KANK1: variants seen among roughly 807,000 people sequenced by gnomAD.
KANK1 encodes the protein KN motif and ankyrin repeat domains 1, also known as KN motif and ankyrin repeat domain-containing protein 1.
KANK1 carries 109 observed loss-of-function variants against 106.2 expected under a neutral mutation model. The observed-to-expected ratio is 1.03, with a 90% CI of 0.88 to 1.20. KANK1 has a LOEUF of 1.20. Ranked by LOEUF, KANK1 falls within the 50% of genes most tolerant of loss-of-function variation. The pLI is 0.00. For synonymous variants in KANK1, 873 were observed against 652.2 expected (o/e 1.34, Z -5.16); for missense variants, 2,399 against 1,710.7 (o/e 1.40, Z -7.10).
intron 1 of KANK1, among the ~76,000 whole-genome samples, chr9:636,468 A>T (rs757287522): frequency 2.0e-5 from 3 of 152,120 alleles, no homozygotes; most frequent in Non-Finnish European, 2.9e-5. Flanking sequence ...CACAGCATTC[A>T]GGACAATATT....
At chr9:713,579 GT>G in intron 3 of KANK1, 115 bp downstream of exon 3, 2 of 1,116,630 alleles carry the variant, frequency 1.8e-6, no homozygotes, top group Non-Finnish European at 2.5e-6. Flanking sequence ...AATGGAGAAA[GT>G]TTTAGAGTGG....
intron 2 of KANK1, chr9:707,369 G>A (rs1824634536): frequency 4.9e-6 from 2 of 408,710 alleles, no homozygotes; most frequent in Admixed American, 6.4e-5. Context: ...GCAGGCCTAC[G>A]GGAGTCCAGC....
intron 1 of KANK1, among the ~76,000 whole-genome samples, chr9:674,922 C>G (rs530487400): frequency 1.3e-5 from 2 of 152,238 alleles, no homozygotes; most frequent in South Asian, 4.1e-4. Context: ...CCAGGCTGGT[C>G]TCAAACTCCT....
rs1453941592 is a variant in KANK1, at chr9:653,389, G to T, written c.-83-23501G>T. On this transcript the variant is annotated intron_variant, in intron 1 of 11. Coordinates refer to ENST00000382297, the MANE Select transcript of KANK1 (RefSeq NM_015158.5). The stretch of plus-strand genomic sequence containing the variant: ...CCAGTTCTCACAAGCAGTTTTTAAG[G>T]CCAGAGCAAAAGGTTTCCAGGTAAG... 1.3e-5 allele frequency among the ~76,000 whole-genome samples: 2 copies of T among 151,998 alleles called. 1 individual carries two copies. Among genetic ancestry groups the T allele is most frequent in the African/African-American group, 4.8e-5 (2 of 41,362 alleles).
intron 1 of KANK1, among the ~76,000 whole-genome samples, chr9:626,039 T>C (rs1834267416): frequency 6.6e-6 from 1 of 152,186 alleles, no homozygotes; most frequent in Admixed American, 6.5e-5. Context: ...TGCACTTGTT[T>C]TCTGACCTCA....
chr9:633,647 A>T (rs1836363736), intron 1 of KANK1, among the ~76,000 whole-genome samples: 1 of 151,958 alleles, frequency 6.6e-6, no homozygotes, highest in South Asian at 2.1e-4. Context: ...TTACTGTTTA[A>T]ATATGTTTTA....
At chr9:484,722 A>T (rs149591173) in intron 3 of KANK1, among the ~76,000 whole-genome samples, 1 of 152,202 alleles carries the variant, frequency 6.6e-6, no homozygotes, top group East Asian at 1.9e-4. Flanking sequence ...TGGCTTGCTG[A>T]ATGGGGTATG....
In KANK1 at chr9:713,197, C is replaced by T. The variant is rs1826687101; in HGVS notation, c.2431C>T (p.Pro811Ser). The change falls in exon 3 of 12, where the codon CCC becomes TCC. Residue 811 changes from proline to serine, a missense_variant. By Grantham distance (74) the Pro-to-Ser change is moderately conservative. Coordinates refer to ENST00000382297, the MANE Select transcript of KANK1 (RefSeq NM_015158.5). ...CCCTGTAGGGGAATCTCTGGAGAAC[C>T]CCCAGCCTCAAGCTCCACTTGGAAT... ...DDPVGESLEN[P>S]QPQAPLGMMT... 6.3e-7 allele frequency: 1 copy of T among 1,586,424 alleles called. No individual in the cohort carries two copies. Among genetic ancestry groups the T allele is most frequent in the Non-Finnish European group, 8.6e-7 (1 of 1,166,374 alleles).
intron 1 of KANK1, among the ~76,000 whole-genome samples, chr9:578,048 C>G (rs1459185604): frequency 6.6e-6 from 1 of 152,088 alleles, no homozygotes; most frequent in Non-Finnish European, 1.5e-5. Context: ...TAGATGTGAT[C>G]ACTTCCTCCA....
Position 706,271 on chromosome 9 carries a change from T to G in KANK1, c.38-4533T>G, listed in dbSNP as rs534538588. Among the ~76,000 whole-genome samples the G allele has an allele frequency of 2.6e-5, 4 of 152,338 alleles. No homozygotes were observed. The East Asian group carries it at 5.8e-4, about 22-fold the overall frequency. On this transcript the variant is annotated intron_variant, in intron 2 of 11. Transcript: ENST00000382297. ...TAGTTAAATTCTAACCTCTTCTGAT[T>G]CCCAGAAGTCCAAAGTTCATTTGGG... is the stretch of plus-strand genomic sequence containing the variant.
chr9:509,148 A>C (rs747945097), intron 1 of KANK1, among the ~76,000 whole-genome samples: 3 of 152,074 alleles, frequency 2.0e-5, no homozygotes, highest in African/African-American at 7.2e-5. Flanking sequence ...CACCAGGATG[A>C]GTGCAGTGGC....
chr9:712,450 C>G lies in KANK1; in HGVS notation c.1684C>G (p.Pro562Ala). 1 of 1,614,086 alleles carries G rather than the reference C, an allele frequency of 6.2e-7. No homozygotes were observed. The change falls in exon 3 of 12, where the codon CCT becomes GCT. Residue 562 changes from proline to alanine, a missense_variant. Coordinates refer to ENST00000382297, the MANE Select transcript of KANK1 (RefSeq NM_015158.5). ...QPECKNKVVGPELPMNWWIVK... is the reference protein window; with the variant it reads ...QPECKNKVVGAELPMNWWIVK... Reference sequence around the variant, plus strand: ...TGAATGTAAGAATAAAGTCGTAGGGCCTGAGCTGCCTATGAATTGGTGGAT... The same window carrying G: ...TGAATGTAAGAATAAAGTCGTAGGGGCTGAGCTGCCTATGAATTGGTGGAT...
intron 2 of KANK1, chr9:693,682 G>C (rs1820531846): frequency 2.0e-6 from 2 of 985,354 alleles, no homozygotes; most frequent in Non-Finnish European, 2.4e-6. Flanking sequence ...CAGCTCCTGG[G>C]CTCTTTGCCT....
chr9:696,203 G>A (rs954018750), intron 2 of KANK1, among the ~76,000 whole-genome samples: 1 of 151,660 alleles, frequency 6.6e-6, no homozygotes, highest in Non-Finnish European at 1.5e-5. Flanking sequence ...AGAATGGCGT[G>A]AACCCGGGAG....
At chr9:617,501 C>T (rs16921203) in intron 1 of KANK1, among the ~76,000 whole-genome samples, 39,072 of 152,018 alleles carry the variant, frequency 0.26, 5,205 homozygotes, top group Admixed American at 0.34. Context: ...AGGTTCAGGA[C>T]CCTGGAGCTT....
chr9:736,051 G>T (rs1408676343), intron 7 of KANK1, among the ~76,000 whole-genome samples: 1 of 152,190 alleles, frequency 6.6e-6, no homozygotes, highest in African/African-American at 2.4e-5. Context: ...TCCGCCTCCC[G>T]GGTTCGGGCC....
chr9:589,211 C>T (rs183367785), intron 1 of KANK1, among the ~76,000 whole-genome samples: 3 of 152,142 alleles, frequency 2.0e-5, no homozygotes, highest in Admixed American at 1.3e-4. Context: ...GGAGATGGAG[C>T]GGGTATTATT....
intron 1 of KANK1, among the ~76,000 whole-genome samples, chr9:605,631 C>G (rs1176223787): frequency 6.6e-6 from 1 of 151,700 alleles, no homozygotes; most frequent in Non-Finnish European, 1.5e-5. Context: ...GGAGAGGTAG[C>G]AAGAGACCCA....
chr9:670,716 T>A (rs577672462), intron 1 of KANK1, among the ~76,000 whole-genome samples: 56 of 152,292 alleles, frequency 3.7e-4, no homozygotes, highest in African/African-American at 1.3e-3. Flanking sequence ...TGTCCGGCTG[T>A]CCACAGGGTG....
Sources: allele counts gnomAD v4.1 joint callset (sites outside exome capture counted in the v4.1 genomes callset), GRCh38; gene constraint gnomAD v4.1.1; transcripts MANE v1.5; gene names NCBI Gene and HGNC (gene_info 2026-07-23, HGNC 2026-07-21).